PRAG1: variants seen among roughly 807,000 people sequenced by gnomAD.
PRAG1 encodes the protein PEAK1 related, kinase-activating pseudokinase 1, also known as inactive tyrosine-protein kinase PRAG1.
In PRAG1, 110 loss-of-function variants were observed where a neutral mutation model predicts 95.6. The ratio of observed to expected loss-of-function variants is 1.15; its 90% CI spans 0.99 to 1.35. PRAG1 has a LOEUF of 1.35. Ranked by LOEUF, PRAG1 falls within the 40% of genes most tolerant of loss-of-function variation. The pLI is 0.00. For missense variants in PRAG1, 2,554 were observed against 1,864.7 expected (o/e 1.37, Z -6.81); for synonymous variants, 1,052 against 819.4 (o/e 1.28, Z -4.85).
chr8:8,346,964 T>A (rs1482057935), intron 3 of PRAG1, among the ~76,000 whole-genome samples: 1 of 152,190 alleles, frequency 6.6e-6, no homozygotes, highest in Non-Finnish European at 1.5e-5. Flanking sequence ...ATTGGTCAAA[T>A]ACACTAGTAA....
intron 3 of PRAG1, among the ~76,000 whole-genome samples, chr8:8,354,501 A>T (rs563954738): frequency 1.3e-5 from 2 of 152,340 alleles, no homozygotes; most frequent in East Asian, 3.9e-4. Context: ...GTACAGGCCA[A>T]TATTGCTGAT....
chr8:8,323,912 C>T (rs960766196), intron 5 of PRAG1, among the ~76,000 whole-genome samples: 1 of 152,076 alleles, frequency 6.6e-6, no homozygotes, highest in Non-Finnish European at 1.5e-5. Context: ...TAAATTTGAG[C>T]GGGTAGATGA....
At chr8:8,381,957 C>G (rs1800691650) in intron 1 of PRAG1, 123 bp from the exon 2 acceptor site, 1 of 496,334 alleles carries the variant, frequency 2.0e-6, no homozygotes, top group African/African-American at 1.9e-5. Flanking sequence ...ATTAGGATCC[C>G]ATTTATTTTG....
At position 8,369,698 on chromosome 8, in the gene PRAG1, C is replaced by CT. The variant is rs10596599; in HGVS notation, c.2162+6548dup. On this transcript the variant is annotated intron_variant, in intron 3 of 5. Coordinates refer to ENST00000615670, the MANE Select transcript of PRAG1 (RefSeq NM_001080826.3). ...TCTGGTCTATTTTGTAAAAAATAAA[C>CT]TTTTTTTTTTTTTTTTTTACAAGCT... Among the ~76,000 whole-genome samples the CT allele has an allele frequency of 4.9e-3, 693 of 140,096 alleles. 5 individuals carry two copies. The highest frequency in any genetic ancestry group is 0.012 in the African/African-American group (466 of 38,216). 91.9% of individuals were successfully genotyped at this position (140,096 alleles called of 152,430 possible). A position where few individuals can be genotyped will look rare whatever the true frequency, so the allele number is the denominator to read the frequency against.
chr8:8,357,692 A>G (rs961908489), intron 3 of PRAG1, among the ~76,000 whole-genome samples: 2 of 152,228 alleles, frequency 1.3e-5, no homozygotes, highest in African/African-American at 4.8e-5. Flanking sequence ...TTTGTGGTAT[A>G]TATTTCAAAG....
chr8:8,332,551 T>C (rs1798853444), intron 4 of PRAG1, among the ~76,000 whole-genome samples: 1 of 152,126 alleles, frequency 6.6e-6, no homozygotes, highest in Non-Finnish European at 1.5e-5. Flanking sequence ...CCTCTGAGTT[T>C]ACGGATCCTT....
chr8:8,361,040 A>G (rs1475995793), intron 3 of PRAG1, among the ~76,000 whole-genome samples: 2 of 152,210 alleles, frequency 1.3e-5, no homozygotes, highest in African/African-American at 4.8e-5. Context: ...GCCCAAGTAT[A>G]TAACTGAGGG....
intron 2 of PRAG1, among the ~76,000 whole-genome samples, chr8:8,380,797 G>T (rs1800607949): frequency 7.1e-6 from 1 of 140,668 alleles, no homozygotes; most frequent in Admixed American, 7.4e-5. Context: ...AGATTGCAGT[G>T]AGCTGAGATC....
chr8:8,368,878 T>C (rs1287260576), intron 3 of PRAG1, among the ~76,000 whole-genome samples: 1 of 150,762 alleles, frequency 6.6e-6, no homozygotes, highest in Non-Finnish European at 1.5e-5. Context: ...GAGAAAATAT[T>C]ATTTTGGCAA....
At chr8:8,323,739 T>C (rs1320016692) in intron 5 of PRAG1, among the ~76,000 whole-genome samples, 2 of 152,148 alleles carry the variant, frequency 1.3e-5, no homozygotes, top group Admixed American at 6.6e-5. Context: ...CATGCTGAAC[T>C]GTGAGTCAAT....
chr8:8,335,629 A>G (rs1036641302), intron 4 of PRAG1, among the ~76,000 whole-genome samples: 3 of 152,240 alleles, frequency 2.0e-5, no homozygotes, highest in Non-Finnish European at 4.4e-5. Context: ...ATGAAGTTGA[A>G]GCTTCACTTC....
intron 3 of PRAG1, among the ~76,000 whole-genome samples, chr8:8,375,447 G>A (rs545830649): frequency 2.6e-5 from 4 of 152,018 alleles, no homozygotes; most frequent in African/African-American, 4.8e-5. Context: ...TGATCCGCCC[G>A]CCTCGGCCTC....
At chr8:8,340,538 G>C (rs1799129365) in intron 3 of PRAG1, among the ~76,000 whole-genome samples, 1 of 152,214 alleles carries the variant, frequency 6.6e-6, no homozygotes, top group South Asian at 2.1e-4. Context: ...TGACATTCCT[G>C]TTCCTTCTAC....
chr8:8,347,966 G>C, intron 3 of PRAG1, among the ~76,000 whole-genome samples: 1 of 151,968 alleles, frequency 6.6e-6, no homozygotes, highest in East Asian at 1.9e-4. Context: ...ACCCAGGCTG[G>C]AGTGCAGTGG....
rs1244539159 is a variant in PRAG1 at position 8,339,521 on chromosome 8, G to T, written c.2277C>A (p.Ser759=). Residue 759 remains serine, a synonymous_variant, in exon 4 of 6, where the codon TCC becomes TCA. Transcript: ENST00000615670. ...RGVHVSFTTG[S]TDSLASDSRT... ...TAGAGTCTGAGGCCAGGCTGTCCGTGGAGCCGGTGGTGAAGCTGACGTGGA... is the reference window on the plus strand; with the variant it reads ...TAGAGTCTGAGGCCAGGCTGTCCGTTGAGCCGGTGGTGAAGCTGACGTGGA... 1.9e-6 allele frequency: 3 copies of T among 1,614,210 alleles called. No homozygotes were observed. The highest frequency in any genetic ancestry group is 2.5e-6 in the Non-Finnish European group (3 of 1,180,044).
chr8:8,328,462 C>G lies in PRAG1; in HGVS notation c.2321-1G>C, dbSNP rs1360192946. ...GAGTGAGCCAGCTCAGACGAGGGAC[C>G]TGAAGAGGAGAGACAGAAACCATAA... On this transcript the variant is annotated splice_acceptor_variant, in intron 4 of 5. Transcript: ENST00000615670. LOFTEE classifies it high-confidence loss of function. 2 of 1,613,208 alleles carry G rather than the reference C, an allele frequency of 1.2e-6. No individual in the cohort carries two copies. The highest frequency in any genetic ancestry group is 2.2e-5 in the South Asian group (2 of 91,064).
intron 3 of PRAG1, among the ~76,000 whole-genome samples, chr8:8,375,393 G>C (rs1031645898): frequency 6.6e-6 from 1 of 151,922 alleles, no homozygotes; most frequent in East Asian, 1.9e-4. Context: ...TAGTAGAGAC[G>C]GGGTTTCACT....
At chr8:8,333,844 T>C (rs1330603868) in intron 4 of PRAG1, among the ~76,000 whole-genome samples, 1 of 152,222 alleles carries the variant, frequency 6.6e-6, no homozygotes, top group East Asian at 1.9e-4. Flanking sequence ...AAGTGGAATA[T>C]GGATGGAGAA....
chr8:8,366,417 A>G (rs1236500924), intron 3 of PRAG1, among the ~76,000 whole-genome samples: 3 of 151,254 alleles, frequency 2.0e-5, no homozygotes, highest in Non-Finnish European at 2.9e-5. Flanking sequence ...GGGTTCAAGC[A>G]ATTCTTCTGC....
Sources: gnomAD v4.1 joint callset for allele counts (sites outside exome capture counted in the v4.1 genomes callset) on GRCh38, gnomAD v4.1.1 for gene constraint, MANE v1.5 for transcripts, NCBI Gene and HGNC (gene_info 2026-07-23, HGNC 2026-07-21) for gene names.